Variants in SUCO observed in about 807,000 individuals in gnomAD.
SUCO encodes SUN domain containing ossification factor.
A neutral mutation model predicts 148.1 loss-of-function variants in SUCO; 57 were observed. The observed-to-expected ratio is 0.38, with a 90% CI of 0.31 to 0.48. The LOEUF is 0.48. SUCO is among the 20% of genes least tolerant of loss of function. The pLI is 0.96. For missense variants in SUCO, 1,331 were observed against 1,468.2 expected (o/e 0.91, Z 1.53); for synonymous variants, 470 against 502.7 (o/e 0.93, Z 0.87).
At chr1:172,554,573 C>T (rs2149230812) in intron 3 of SUCO, among the ~76,000 whole-genome samples, 1 of 152,078 alleles carries the variant, frequency 6.6e-6, no homozygotes, top group Middle Eastern at 3.4e-3. Flanking sequence ...CCTGTCTCTA[C>T]CAAAAATACA....
chr1:172,574,018 C>G lies in SUCO; in HGVS notation c.1157+20C>G. The stretch of plus-strand genomic sequence containing the variant: ...TGACAGGTAAATTCTAAAGCTGTTT[C>G]TATAGGGTCTATGTTGGATCTCTGA... On this transcript the variant is annotated intron_variant, in intron 10 of 23. Coordinates refer to ENST00000263688, the MANE Select transcript of SUCO (RefSeq NM_014283.5). 1 of 1,369,892 alleles carries G rather than the reference C, an allele frequency of 7.3e-7. No homozygotes were observed. The highest frequency in any genetic ancestry group is 1.7e-5 in the Admixed American group (1 of 57,216). The allele number at this position is 1,369,892 out of a possible 1,614,324, so 84.9% of individuals were successfully genotyped here.
At chr1:172,571,295 G>A (rs1274245563) in intron 9 of SUCO, among the ~76,000 whole-genome samples, 6 of 152,214 alleles carry the variant, frequency 3.9e-5, no homozygotes, top group Admixed American at 2.0e-4. Context: ...TCCTAACTGC[G>A]AGTGATCCGC....
At chr1:172,542,205 C>T (rs1652513005) in intron 1 of SUCO, among the ~76,000 whole-genome samples, 1 of 151,978 alleles carries the variant, frequency 6.6e-6, no homozygotes, top group African/African-American at 2.4e-5. Flanking sequence ...CATGGAGAAA[C>T]CCCGTCTCTA....
At chr1:172,554,754 G>A in intron 3 of SUCO, among the ~76,000 whole-genome samples, 2 of 146,846 alleles carry the variant, frequency 1.4e-5, no homozygotes. Flanking sequence ...AAAAAAAAAA[G>A]CATGTAAAGT....
intron 17 of SUCO, among the ~76,000 whole-genome samples, 172 bp downstream of exon 17, chr1:172,586,120 T>C (rs1245908986): frequency 6.6e-6 from 1 of 152,064 alleles, no homozygotes. Context: ...TTCTTCCCAT[T>C]AGTGTATATG....
upstream of SUCO, chr1:172,532,549 G>C (rs752223181): frequency 2.0e-5 from 33 of 1,613,748 alleles, no homozygotes; most frequent in East Asian, 7.3e-4. Context: ...TTGCCACAGG[G>C]AAAGGGCTTG....
chr1:172,549,084 TCTTGTTTGGTTTC>T, intron 1 of SUCO, among the ~76,000 whole-genome samples: 1 of 152,064 alleles, frequency 6.6e-6, no homozygotes, highest in Admixed American at 6.5e-5. Context: ...ATGTTTTCCA[TCTTGTTTGGTTTC>T]TATGTTAATT....
intron 1 of SUCO, among the ~76,000 whole-genome samples, chr1:172,548,849 T>C (rs1054584028): frequency 2.0e-5 from 3 of 152,002 alleles, no homozygotes; most frequent in Non-Finnish European, 2.9e-5. Flanking sequence ...TATAAAATTC[T>C]GTATCTTTGA....
intron 11 of SUCO, among the ~76,000 whole-genome samples, chr1:172,576,234 CT>C (rs34350590): frequency 0.18 from 27,858 of 151,406 alleles, 3,091 homozygotes; most frequent in South Asian, 0.27. Context: ...TTCCTTTCCT[CT>C]TTTTTTTCTT....
intron 1 of SUCO, 37 bp from the exon 2 acceptor site, chr1:172,551,475 C>T (rs754177821): frequency 7.5e-7 from 1 of 1,332,836 alleles, no homozygotes; most frequent in Non-Finnish European, 1.0e-6. Flanking sequence ...TTCTCTTTCT[C>T]TTTTTCTGTT....
At chr1:172,599,691 G>A (rs570796662) in intron 19 of SUCO, among the ~76,000 whole-genome samples, 7 of 152,106 alleles carry the variant, frequency 4.6e-5, no homozygotes, top group Admixed American at 6.5e-5. Flanking sequence ...TTGTCTTTGC[G>A]CCAACTGCTT....
intron 1 of SUCO, among the ~76,000 whole-genome samples, chr1:172,543,342 A>G (rs1652630080): frequency 6.6e-6 from 1 of 152,222 alleles, no homozygotes; most frequent in Non-Finnish European, 1.5e-5. Flanking sequence ...GTAGTCTCTA[A>G]TTGAAAATTA....
In SUCO at chr1:172,575,472, G is replaced by A. The variant is rs111677277; in HGVS notation, c.1158-46G>A. ...AAAATATGATAGAACCTTTCAATATGTGGTTTATAATTTTTAAAAAAGAAC... is the reference window on the plus strand; with the variant it reads ...AAAATATGATAGAACCTTTCAATATATGGTTTATAATTTTTAAAAAAGAAC... On this transcript the variant is annotated intron_variant, in intron 10 of 23. Transcript: ENST00000263688. 5.0e-4 allele frequency: 665 copies of A among 1,340,890 alleles called. 3 individuals are homozygous for A. The African/African-American group carries it at 8.9e-3, about 18-fold the overall frequency. 83.1% of individuals were successfully genotyped at this position (1,340,890 alleles called of 1,614,324 possible). A position where few individuals can be genotyped will look rare whatever the true frequency, so the allele number is the denominator to read the frequency against.
Position 172,567,463 on chromosome 1 carries a change from G to A in SUCO, c.733-1556G>A, listed in dbSNP as rs138976633. On this transcript the variant is annotated intron_variant, in intron 6 of 23. Transcript: ENST00000263688. ...TTGAATTTAGTATTTTTTTTGTTTA[G>A]TTTTAGAGCTTTTCAAATAAGTATA... Among the ~76,000 whole-genome samples, 770 of 151,984 alleles carry A rather than the reference G, an allele frequency of 5.1e-3. 5 individuals are homozygous for A. Among genetic ancestry groups the A allele is most frequent in the Middle Eastern group, 0.027 (8 of 292 alleles).
chr1:172,606,679 T>C (rs1657889002), intron 22 of SUCO, among the ~76,000 whole-genome samples: 1 of 151,840 alleles, frequency 6.6e-6, no homozygotes, highest in Non-Finnish European at 1.5e-5. Context: ...AATATTCTCC[T>C]CTTCTTTTTC....
intron 1 of SUCO, among the ~76,000 whole-genome samples, chr1:172,538,283 T>C (rs1652175177): frequency 6.6e-6 from 1 of 151,998 alleles, no homozygotes; most frequent in Non-Finnish European, 1.5e-5. Flanking sequence ...TCCTTAGTAG[T>C]AATTTTTCTG....
intron 6 of SUCO, among the ~76,000 whole-genome samples, chr1:172,566,693 C>A (rs367587605): frequency 2.0e-5 from 3 of 152,172 alleles, no homozygotes; most frequent in African/African-American, 7.2e-5. Flanking sequence ...GGGTGGTTTA[C>A]GCAGAAATTT....
chr1:172,548,902 T>C (rs1653071829), intron 1 of SUCO, among the ~76,000 whole-genome samples: 1 of 152,020 alleles, frequency 6.6e-6, no homozygotes, highest in South Asian at 2.1e-4. Flanking sequence ...CCACTTAATC[T>C]GTTATTTTGT....
chr1:172,533,150 A>G lies in SUCO; in HGVS notation c.-286A>G, dbSNP rs1276114879. ...AAGGCCCCCGGCGGGCGGGGAGGAT[A>G]TGGGGCGGCAGTGGCGGCTGCAGGA... On this transcript the variant is annotated 5_prime_UTR_variant, in exon 1 of 24. It removes an upstream start codon present in the reference 5' UTR. Transcript: ENST00000263688. The G allele has an allele frequency of 1.4e-6, 2 of 1,458,240 alleles. No homozygotes were observed. Among genetic ancestry groups the G allele is most frequent in the Non-Finnish European group, 1.8e-6 (2 of 1,110,294 alleles). 90.3% of individuals were successfully genotyped at this position (1,458,240 alleles called of 1,614,324 possible). A position where few individuals can be genotyped will look rare whatever the true frequency, so the allele number is the denominator to read the frequency against.
Sources: allele counts gnomAD v4.1 joint callset (sites outside exome capture counted in the v4.1 genomes callset), GRCh38; gene constraint gnomAD v4.1.1; transcripts MANE v1.5; gene names NCBI Gene and HGNC (gene_info 2026-07-23, HGNC 2026-07-21).